The following LRRK1 variants were observed in gnomAD, a reference collection of about 807,000 sequenced individuals.
LRRK1 encodes the protein leucine rich repeat kinase 1.
A neutral mutation model predicts 209.1 loss-of-function variants in LRRK1; 113 were observed. The observed-to-expected ratio is 0.54, with a 90% CI of 0.46 to 0.63. The LOEUF (loss-of-function observed/expected upper bound fraction) is 0.63, where lower values mean the gene tolerates loss of function less well. LRRK1 is among the 30% of genes least tolerant of loss of function. LRRK1 has a pLI of 0.00. For synonymous variants in LRRK1, 1,144 were observed against 1,099.7 expected (o/e 1.04, Z -0.80); for missense variants, 2,284 against 2,632.2 (o/e 0.87, Z 2.89).
rs895605933 is a variant in LRRK1, at chr15:101,072,055, T to G, written c.*3207T>G. 3 of 152,184 alleles carry G rather than the reference T, an allele frequency of 2.0e-5. No homozygotes were observed. The highest frequency in any genetic ancestry group is 4.4e-5 in the Non-Finnish European group (3 of 68,028). The allele number at this position is 152,184 out of a possible 1,614,324, so 9.4% of individuals were successfully genotyped here. The stretch of plus-strand genomic sequence containing the variant: ...TGCAAGTGGGGGTCTCCGCGGAAGC[T>G]CCTGGCAGTTTTAAGCAGGATTATT... On this transcript the variant is annotated 3_prime_UTR_variant, in exon 34 of 34. Coordinates refer to ENST00000388948, the MANE Select transcript of LRRK1 (RefSeq NM_024652.6).
intron 2 of LRRK1, among the ~76,000 whole-genome samples, chr15:100,962,350 C>T (rs529518835): frequency 2.0e-5 from 3 of 151,916 alleles, no homozygotes; most frequent in South Asian, 2.1e-4. Flanking sequence ...GCCAATGTGG[C>T]GAAACCCTGT....
At chr15:101,039,655 T>A (rs2034652145) in intron 20 of LRRK1, among the ~76,000 whole-genome samples, 1 of 152,240 alleles carries the variant, frequency 6.6e-6, no homozygotes, top group Non-Finnish European at 1.5e-5. Flanking sequence ...CGTCATTCTG[T>A]GTGATCTCAG....
chr15:100,962,806 T>C (rs11634562), intron 2 of LRRK1, among the ~76,000 whole-genome samples: 1,703 of 16,792 alleles, frequency 0.1, 189 homozygotes, highest in Middle Eastern at 0.14. Flanking sequence ...TATATATATA[T>C]ATATATATAT....
At chr15:101,057,867 C>CTAGTCTGAATGAA (rs1449142496) in intron 28 of LRRK1, 123 bp from the exon 29 acceptor site, 1 of 1,069,608 alleles carries the variant, frequency 9.3e-7, no homozygotes, top group Non-Finnish European at 1.4e-6. Context: ...TTGTTTGGAT[C>CTAGTCTGAATGAA]TAGTCTGAAT....
chr15:101,009,180 A>C (rs186879214), intron 7 of LRRK1, 117 bp downstream of exon 7: 1 of 801,978 alleles, frequency 1.2e-6, no homozygotes, highest in East Asian at 2.7e-5. Context: ...TGGCTAAAAT[A>C]GGAGAAGGAG....
intron 20 of LRRK1, among the ~76,000 whole-genome samples, chr15:101,032,594 C>T (rs2034330540): frequency 6.6e-6 from 1 of 152,132 alleles, no homozygotes; most frequent in Admixed American, 6.6e-5. Flanking sequence ...ACAATCTTGA[C>T]AATCTTTCTT....
intron 2 of LRRK1, among the ~76,000 whole-genome samples, chr15:100,960,632 G>C (rs745401128): frequency 1.6e-4 from 24 of 152,100 alleles, no homozygotes; most frequent in Non-Finnish European, 2.6e-4. Context: ...TTCTGTTGTG[G>C]GTGTTTGAAA....
rs1002225994 is a variant in LRRK1, at chr15:100,938,248, A to G, written c.97+13519A>G. ...ATGCACCCCTTTGTACCCATTACCCAATTTCAGTAATTATCACACATGGGC... is the reference window on the plus strand; with the variant it reads ...ATGCACCCCTTTGTACCCATTACCCGATTTCAGTAATTATCACACATGGGC... On this transcript the variant is annotated intron_variant, in intron 2 of 33. Coordinates refer to ENST00000388948, the MANE Select transcript of LRRK1 (RefSeq NM_024652.6). Among the ~76,000 whole-genome samples, 9 of 151,318 alleles carry G rather than the reference A, an allele frequency of 5.9e-5. No homozygotes were observed. In the South Asian group the frequency reaches 1.4e-3, roughly 24 times the overall value.
intron 2 of LRRK1, among the ~76,000 whole-genome samples, chr15:100,934,909 A>G (rs557732881): frequency 2.9e-4 from 44 of 151,948 alleles, no homozygotes; most frequent in African/African-American, 1.1e-3. Context: ...GGCCATTTTG[A>G]TTTATTATTA....
rs2141177634 is a variant in LRRK1 at position 101,074,820 on chromosome 15, G to A, written c.*5972G>A. The A allele has an allele frequency of 6.6e-6, 1 of 152,218 alleles. No individual in the cohort carries two copies. Among genetic ancestry groups the A allele is most frequent in the East Asian group, 1.9e-4 (1 of 5,142 alleles). 9.4% of individuals were successfully genotyped at this position (152,218 alleles called of 1,614,324 possible). A position where few individuals can be genotyped will look rare whatever the true frequency, so the allele number is the denominator to read the frequency against. On this transcript the variant is annotated 3_prime_UTR_variant, in exon 34 of 34. Coordinates refer to ENST00000388948, the MANE Select transcript of LRRK1 (RefSeq NM_024652.6). ...CCCCAGGAGCTTGCTACAAGTGCCA[G>A]AAATCTGGCCACCAGGCCAAGGAAT... is the stretch of plus-strand genomic sequence containing the variant.
In LRRK1 at chr15:101,055,086, G is replaced by T; in HGVS notation, c.4195G>T (p.Val1399Phe). 1.9e-6 allele frequency: 3 copies of T among 1,614,130 alleles called. No homozygotes were observed. Among genetic ancestry groups the T allele is most frequent in the Non-Finnish European group, 2.5e-6 (3 of 1,180,008 alleles). ...CAACATTCTGGTGTGGTCCCTTGAC[G>T]TCAAGGAGCACATCAACATCAAGCT... ...SDNILVWSLDVKEHINIKLSD... is the reference protein window; with the variant it reads ...SDNILVWSLDFKEHINIKLSD... Residue 1399 changes from valine (V) to phenylalanine (F), a missense_variant, in exon 27 of 34, where the codon GTC (valine) becomes TTC (phenylalanine). Coordinates refer to ENST00000388948, the MANE Select transcript of LRRK1 (RefSeq NM_024652.6).
At chr15:101,023,811 G>C (rs374892158) in intron 15 of LRRK1, among the ~76,000 whole-genome samples, 2 of 152,198 alleles carry the variant, frequency 1.3e-5, no homozygotes, top group African/African-American at 4.8e-5. Flanking sequence ...CTGCCTGTTG[G>C]GGCCAGAACA....
chr15:100,951,964 AAATAAT>A (rs568822120), intron 2 of LRRK1, among the ~76,000 whole-genome samples: 6 of 146,552 alleles, frequency 4.1e-5, no homozygotes, highest in Admixed American at 6.8e-5. Flanking sequence ...AGAAAAAAAA[AAATAAT>A]AATAATAATA....
chr15:101,066,152 G>A lies in LRRK1; in HGVS notation c.5715G>A (p.Gln1905=). 1 of 1,613,658 alleles carries A rather than the reference G, an allele frequency of 6.2e-7. No homozygotes were observed. Among genetic ancestry groups the A allele is most frequent in the African/African-American group, 1.3e-5 (1 of 75,054 alleles). ...CCATGGACGGGGAGACCTTCAGCCA[G>A]CACCTGCAGGCCGTGAAGATCCTCG... is the stretch of plus-strand genomic sequence containing the variant. ...LTPMDGETFS[Q]HLQAVKILAV... The change falls in exon 32 of 34, where the codon CAG becomes CAA. Residue 1905 remains glutamine (Q), a synonymous_variant. Coordinates refer to ENST00000388948, the MANE Select transcript of LRRK1 (RefSeq NM_024652.6).
intron 2 of LRRK1, among the ~76,000 whole-genome samples, chr15:100,951,891 G>A (rs2042658910): frequency 6.6e-6 from 1 of 151,426 alleles, no homozygotes; most frequent in Non-Finnish European, 1.5e-5. Flanking sequence ...GGCAGAGGTT[G>A]CAAGTGAGCT....
At position 101,069,155 on chromosome 15, in the gene LRRK1, G is replaced by A. The variant is rs778562748; in HGVS notation, c.*307G>A. The stretch of plus-strand genomic sequence containing the variant: ...CTCCCCCATCAGTTTGCAGGAGCAG[G>A]GGTGCAGGATCCTGTTCTGAGCTGG... On this transcript the variant is annotated 3_prime_UTR_variant, in exon 34 of 34. Transcript: ENST00000388948. 11 of 252,868 alleles carry A rather than the reference G, an allele frequency of 4.4e-5. No individual in the cohort carries two copies. The highest frequency in any genetic ancestry group is 6.8e-5 in the Non-Finnish European group (9 of 131,466). The allele number at this position is 252,868 out of a possible 1,614,324, so 15.7% of individuals were successfully genotyped here. A position where few individuals can be genotyped will look rare whatever the true frequency, so the allele number is the denominator to read the frequency against.
At chr15:100,941,428 C>CTT (rs1567191065) in intron 2 of LRRK1, among the ~76,000 whole-genome samples, 1 of 51,308 alleles carries the variant, frequency 1.9e-5, no homozygotes, top group Non-Finnish European at 3.8e-5. Flanking sequence ...GTGTGTGTGT[C>CTT]TGTGTGTGTG....
intron 20 of LRRK1, among the ~76,000 whole-genome samples, chr15:101,034,386 G>A (rs2034413965): frequency 6.6e-6 from 1 of 152,122 alleles, no homozygotes; most frequent in Non-Finnish European, 1.5e-5. Flanking sequence ...ATAGTTTGGG[G>A]TCTTAAATTT....
At chr15:101,050,119 A>G (rs1487414474) in intron 23 of LRRK1, among the ~76,000 whole-genome samples, 1 of 152,154 alleles carries the variant, frequency 6.6e-6, no homozygotes, top group Non-Finnish European at 1.5e-5. Context: ...TCTTGTTTTC[A>G]TAGTGAGGAC....
Sources: allele counts gnomAD v4.1 joint callset (sites outside exome capture counted in the v4.1 genomes callset), GRCh38; gene constraint gnomAD v4.1.1; transcripts MANE v1.5; gene names NCBI Gene and HGNC (gene_info 2026-07-23, HGNC 2026-07-21).